DENND5A: variants seen among roughly 807,000 people sequenced by gnomAD.
DENND5A encodes DENN domain containing 5A, also known as DENN domain-containing protein 5A.
DENND5A carries 64 observed loss-of-function variants against 140.3 expected under a neutral mutation model. The observed-to-expected ratio is 0.46, with a 90% CI of 0.37 to 0.56. The LOEUF (loss-of-function observed/expected upper bound fraction) is 0.56, where lower values mean the gene tolerates loss of function less well. DENND5A is among the 20% of genes least tolerant of loss of function. The pLI, the probability that DENND5A is intolerant of heterozygous loss-of-function variation, is 0.00. For missense variants in DENND5A, 1,292 were observed against 1,593.8 expected, an observed-to-expected ratio of 0.81 and a Z score of 3.22; for synonymous variants, 605 against 607.7, an observed-to-expected ratio of 1.00 and a Z score of 0.07.
chr11:9,185,782 C>T (rs1247915838), intron 5 of DENND5A, among the ~76,000 whole-genome samples: 2 of 151,754 alleles, frequency 1.3e-5, no homozygotes. Context: ...GTGTGTGTGG[C>T]TGTGTATGTT....
At chr11:9,168,489 A>G (rs1848263143) in intron 10 of DENND5A, among the ~76,000 whole-genome samples, 1 of 152,176 alleles carries the variant, frequency 6.6e-6, no homozygotes, top group Non-Finnish European at 1.5e-5. Flanking sequence ...TATCAGCAAC[A>G]TGAAAACAGA....
chr11:9,221,617 C>A (rs61877814), intron 1 of DENND5A, among the ~76,000 whole-genome samples: 1 of 151,886 alleles, frequency 6.6e-6, no homozygotes, highest in African/African-American at 2.4e-5. Context: ...CGGTCTGCCT[C>A]GGCCTCCCAA....
chr11:9,209,998 C>T (rs947629953), intron 1 of DENND5A, among the ~76,000 whole-genome samples: 1 of 151,804 alleles, frequency 6.6e-6, no homozygotes, highest in African/African-American at 2.4e-5. Context: ...TCCCAGCTAA[C>T]TGGGAGGCTG....
At chr11:9,162,840 T>C (rs1848034458) in intron 11 of DENND5A, among the ~76,000 whole-genome samples, 1 of 150,262 alleles carries the variant, frequency 6.7e-6, no homozygotes, top group African/African-American at 2.5e-5. Flanking sequence ...GCTGGGACTA[T>C]AGGCATGCAT....
chr11:9,165,435 A>C (rs904075561), intron 11 of DENND5A, among the ~76,000 whole-genome samples: 10 of 139,894 alleles, frequency 7.1e-5, no homozygotes, highest in African/African-American at 2.9e-4. Context: ...GTACTGTCTC[A>C]TTATATTAAC....
intron 12 of DENND5A, among the ~76,000 whole-genome samples, chr11:9,160,168 T>C (rs1213059414): frequency 6.6e-6 from 1 of 152,220 alleles, no homozygotes; most frequent in Non-Finnish European, 1.5e-5. Flanking sequence ...TACATAAAAA[T>C]AAAAGGTATC....
rs538758211 is a variant in DENND5A at position 9,157,444 on chromosome 11, C to T, written c.2436+3269G>A. 3.9e-5 allele frequency among the ~76,000 whole-genome samples: 6 copies of T among 152,292 alleles called. No individual in the cohort carries two copies. In the East Asian group the frequency reaches 9.6e-4, roughly 24 times the overall value. ...ACTTCATTATTCATGTAATAAGCCT[C>T]GTACCCCACAGGTAGTTTTTCAGTC... On this transcript the variant is annotated intron_variant, in intron 12 of 22. Coordinates refer to ENST00000328194, the MANE Select transcript of DENND5A (RefSeq NM_015213.4).
Position 9,265,198 on chromosome 11 carries a change from C to T in DENND5A, c.-129G>A, listed in dbSNP as rs2136316170. On this transcript the variant is annotated 5_prime_UTR_variant, in exon 1 of 23. Transcript: ENST00000328194. The surrounding 1 kb of genome is among the most constrained non-coding windows in gnomAD (Gnocchi z 4.7). Reference sequence around the variant, plus strand: ...CTACCGCGGCTCGGGCCGCCGCCCCCGGCCCTGGCCCGGTCCCCTCGGCCG... The same window carrying T: ...CTACCGCGGCTCGGGCCGCCGCCCCTGGCCCTGGCCCGGTCCCCTCGGCCG... The T allele has an allele frequency of 1.1e-5, 4 of 364,476 alleles. No individual in the cohort carries two copies. The highest frequency in any genetic ancestry group is 1.2e-3 in the Middle Eastern group (1 of 832). 22.6% of individuals were successfully genotyped at this position (364,476 alleles called of 1,614,324 possible). A position where few individuals can be genotyped will look rare whatever the true frequency, so the allele number is the denominator to read the frequency against.
intron 1 of DENND5A, among the ~76,000 whole-genome samples, chr11:9,233,496 C>A (rs767919333): frequency 6.6e-6 from 1 of 151,388 alleles, no homozygotes; most frequent in African/African-American, 2.4e-5. Context: ...ACATCCTAAT[C>A]TCCAGAAGCT....
intron 1 of DENND5A, among the ~76,000 whole-genome samples, chr11:9,246,818 T>C (rs926958910): frequency 6.6e-6 from 1 of 152,130 alleles, no homozygotes; most frequent in African/African-American, 2.4e-5. Context: ...CTACAACCCA[T>C]AAACCCCACT....
intron 5 of DENND5A, among the ~76,000 whole-genome samples, chr11:9,186,850 G>A (rs778093215): frequency 3.8e-4 from 58 of 152,190 alleles, no homozygotes; most frequent in Non-Finnish European, 7.5e-4. Flanking sequence ...GGAGGCTGAG[G>A]CGGGCAGATC....
At chr11:9,203,475 T>C (rs1259479466) in intron 4 of DENND5A, 185 bp downstream of exon 4, 2 of 599,900 alleles carry the variant, frequency 3.3e-6, no homozygotes, top group East Asian at 3.0e-5. Flanking sequence ...GCCATGAAGA[T>C]AGTTAATCAG....
chr11:9,190,683 T>C (rs1849091915), intron 5 of DENND5A, among the ~76,000 whole-genome samples: 1 of 152,196 alleles, frequency 6.6e-6, no homozygotes, highest in South Asian at 2.1e-4. Flanking sequence ...CCCCAAAGCT[T>C]CCTTCTAAGA....
chr11:9,230,573 G>A (rs11042228), intron 1 of DENND5A, among the ~76,000 whole-genome samples: 24,691 of 152,024 alleles, frequency 0.16, 2,228 homozygotes, highest in Non-Finnish European at 0.21. Flanking sequence ...GTCTTTTGTT[G>A]CAGAAGTGTC....
chr11:9,192,775 T>C (rs752521154), intron 5 of DENND5A, among the ~76,000 whole-genome samples: 5 of 152,116 alleles, frequency 3.3e-5, no homozygotes, highest in African/African-American at 9.7e-5. Flanking sequence ...AAATTCAAAG[T>C]AGGAAAGCAC....
In DENND5A at chr11:9,169,959, T is replaced by C; in HGVS notation, c.2058-10A>G. The C allele has an allele frequency of 6.3e-7, 1 of 1,598,340 alleles. No individual in the cohort carries two copies. Among genetic ancestry groups the C allele is most frequent in the Non-Finnish European group, 8.6e-7 (1 of 1,166,428 alleles). On this transcript the variant is annotated splice_polypyrimidine_tract_variant and intron_variant, in intron 9 of 22. Coordinates refer to ENST00000328194, the MANE Select transcript of DENND5A (RefSeq NM_015213.4). ...ATTCCTTTTCGTCCACCTAACACAA[T>C]CAGAACCAAAGCAGGCAATTAATAA...
At chr11:9,257,009 T>G (rs1851974624) in intron 1 of DENND5A, among the ~76,000 whole-genome samples, 1 of 152,140 alleles carries the variant, frequency 6.6e-6, no homozygotes, top group African/African-American at 2.4e-5. Context: ...CTTTGTTCTA[T>G]TCATGTCAAT....
chr11:9,176,881 G>T (rs1326279285), intron 8 of DENND5A: 4 of 456,088 alleles, frequency 8.8e-6, no homozygotes, highest in Middle Eastern at 3.2e-4. Flanking sequence ...ACTTGAGGTT[G>T]ATCATATAAT....
intron 1 of DENND5A, among the ~76,000 whole-genome samples, chr11:9,223,284 T>C (rs1014342689): frequency 3.9e-5 from 6 of 152,048 alleles, no homozygotes; most frequent in African/African-American, 1.4e-4. Flanking sequence ...TCCCAGCACT[T>C]TGGGAGGCTG....
Sources: allele counts gnomAD v4.1 joint callset (sites outside exome capture counted in the v4.1 genomes callset), GRCh38; gene constraint gnomAD v4.1.1; non-coding constraint Gnocchi (gnomAD v3.1); transcripts MANE v1.5; gene names NCBI Gene and HGNC (gene_info 2026-07-23, HGNC 2026-07-21).